Variants in GYS2 observed in about 807,000 individuals in gnomAD.
GYS2 encodes glycogen synthase 2, also known as glycogen [starch] synthase, liver.
GYS2 carries 80 observed loss-of-function variants against 85.6 expected under a neutral mutation model. The observed-to-expected ratio is 0.93, with a 90% CI of 0.78 to 1.13. The LOEUF (loss-of-function observed/expected upper bound fraction) is 1.13, where lower values mean the gene tolerates loss of function less well. Among genes scored for constraint, GYS2 ranks in the 50% most tolerant of loss-of-function variants. The pLI is 0.00. For synonymous variants in GYS2, 328 were observed against 300.7 expected (o/e 1.09, Z -0.94); for missense variants, 881 against 854.9 (o/e 1.03, Z -0.38).
intron 5 of GYS2, among the ~76,000 whole-genome samples, chr12:21,568,365 A>T (rs1368619350): frequency 6.6e-6 from 1 of 152,168 alleles, no homozygotes; most frequent in Non-Finnish European, 1.5e-5. Flanking sequence ...ATGTCTTATG[A>T]GCATGAGTTC....
rs1943917346 is a variant in GYS2, at chr12:21,536,981, T to C, written c.2085A>G (p.Lys695=). The C allele has an allele frequency of 6.2e-7, 1 of 1,613,646 alleles. No individual in the cohort carries two copies. The highest frequency in any genetic ancestry group is 8.5e-7 in the Non-Finnish European group (1 of 1,179,682). The part of the protein sequence containing the change: ...FSLSHVPHGK[K]KLHGEYKN ...AGTTCTTATATTCACCATGCAGCTT[T>C]TTCTTCCCATGAGGAACGTGGCTCA... Residue 695 remains lysine, a synonymous_variant, in exon 16 of 16, where the codon AAA becomes AAG. Transcript: ENST00000261195.
intron 4 of GYS2, among the ~76,000 whole-genome samples, chr12:21,571,848 C>G (rs56380141): frequency 0.13 from 19,503 of 151,788 alleles, 1,316 homozygotes; most frequent in African/African-American, 0.17. Flanking sequence ...TGTAGTCCCA[C>G]CTACTCAGGA....
chr12:21,577,762 A>G (rs1415438145), intron 2 of GYS2, among the ~76,000 whole-genome samples: 1 of 152,178 alleles, frequency 6.6e-6, no homozygotes, highest in Non-Finnish European at 1.5e-5. Context: ...CCCAGAAACT[A>G]TATTCCTGGG....
intron 5 of GYS2, 50 bp from the exon 6 acceptor site, chr12:21,563,395 T>C: frequency 1.1e-6 from 1 of 936,276 alleles, no homozygotes; most frequent in Admixed American, 1.7e-5. Context: ...TCAAAGAGGG[T>C]ACCATTGTAG....
chr12:21,554,174 G>GT (rs1555155437), intron 11 of GYS2, among the ~76,000 whole-genome samples: 3 of 150,118 alleles, frequency 2.0e-5, no homozygotes, highest in African/African-American at 4.9e-5. Flanking sequence ...AAGGAAGGAG[G>GT]GAAGGAAAAA....
chr12:21,557,188 A>C (rs1383676834), intron 11 of GYS2, among the ~76,000 whole-genome samples: 1 of 152,224 alleles, frequency 6.6e-6, no homozygotes, highest in Admixed American at 6.5e-5. Context: ...ATTTGAAAAG[A>C]TTCATTGTGG....
chr12:21,591,021 C>T (rs1313391725), intron 1 of GYS2, among the ~76,000 whole-genome samples: 2 of 152,058 alleles, frequency 1.3e-5, no homozygotes, highest in African/African-American at 4.8e-5. Context: ...AAACTGGAAG[C>T]AGCAATCATT....
rs566831995 is a variant in GYS2, at chr12:21,592,497, C to T, written c.122-11974G>A. Among the ~76,000 whole-genome samples the T allele has an allele frequency of 2.6e-5, 4 of 152,000 alleles. No homozygotes were observed. In the East Asian group the frequency reaches 7.7e-4, roughly 29 times the overall value. ...CCAAAAATGAGCAAAAGTAGTTATA[C>T]CTATAACAGATAAAATTGACTTTAA... On this transcript the variant is annotated intron_variant, in intron 1 of 15. Transcript: ENST00000261195.
chr12:21,571,667 A>C (rs982548975), intron 4 of GYS2, among the ~76,000 whole-genome samples: 2 of 152,060 alleles, frequency 1.3e-5, no homozygotes, highest in African/African-American at 4.8e-5. Flanking sequence ...TTCTGCTACA[A>C]TTAAGAAAAA....
chr12:21,599,253 C>T (rs952706879), intron 1 of GYS2, among the ~76,000 whole-genome samples: 5 of 152,038 alleles, frequency 3.3e-5, no homozygotes, highest in African/African-American at 1.2e-4. Context: ...CCCTCCTGTT[C>T]CAAAACACAG....
Position 21,559,068 on chromosome 12 carries a change from G to C in GYS2, c.1308+23C>G, listed in dbSNP as rs774984796. 18 of 1,347,446 alleles carry C rather than the reference G, an allele frequency of 1.3e-5. No homozygotes were observed. The Admixed American group carries it at 2.9e-4, about 21-fold the overall frequency. 83.5% of individuals were successfully genotyped at this position (1,347,446 alleles called of 1,614,324 possible). A position where few individuals can be genotyped will look rare whatever the true frequency, so the allele number is the denominator to read the frequency against. On this transcript the variant is annotated intron_variant, in intron 10 of 15. Coordinates refer to ENST00000261195, the MANE Select transcript of GYS2 (RefSeq NM_021957.4). ...TAGAATTTAATAACTATGGGACATAGTGGGTGCTTTTTTCCTTATTACCTG... is the reference window on the plus strand; with the variant it reads ...TAGAATTTAATAACTATGGGACATACTGGGTGCTTTTTTCCTTATTACCTG...
intron 15 of GYS2, among the ~76,000 whole-genome samples, chr12:21,538,645 G>C (rs1312932698): frequency 6.6e-6 from 1 of 152,106 alleles, no homozygotes; most frequent in Non-Finnish European, 1.5e-5. Flanking sequence ...TTTAGCTCTT[G>C]GATTGCTGTG....
chr12:21,596,309 C>A (rs919247812), intron 1 of GYS2, among the ~76,000 whole-genome samples: 4 of 151,930 alleles, frequency 2.6e-5, no homozygotes, highest in Non-Finnish European at 5.9e-5. Context: ...AAGAAAACTA[C>A]AGACTGATAG....
chr12:21,539,339 C>T lies in GYS2; in HGVS notation c.1810-1G>A, dbSNP rs761710422. 6.3e-7 allele frequency: 1 copy of T among 1,583,786 alleles called. No individual in the cohort carries two copies. The highest frequency in any genetic ancestry group is 1.3e-5 in the African/African-American group (1 of 74,248). ...TCAGGTGTCTGGCATGCTGGTAATA[C>T]TATTGATAGAAAGCCAAATCACAGG... On this transcript the variant is annotated splice_acceptor_variant, in intron 14 of 15. Transcript: ENST00000261195. LOFTEE classifies it high-confidence loss of function.
Position 21,604,582 on chromosome 12 carries a change from CCT to C in GYS2, c.9_10del (p.Gly4ProfsTer28). 1 of 1,612,530 alleles carries C rather than the reference CCT, an allele frequency of 6.2e-7. No individual in the cohort carries two copies. The highest frequency in any genetic ancestry group is 2.2e-5 in the East Asian group (1 of 44,862). ...CAGGGATGTTACAGAGAGGGATCGG[CCT>C]CGAAGCATTCTTCTTACAGTCCTCC... On this transcript the variant is annotated frameshift_variant, in exon 1 of 16. Coordinates refer to ENST00000261195, the MANE Select transcript of GYS2 (RefSeq NM_021957.4). LOFTEE classifies it high-confidence loss of function.
chr12:21,560,097 T>A (rs762981703), intron 8 of GYS2, among the ~76,000 whole-genome samples: 4 of 152,226 alleles, frequency 2.6e-5, no homozygotes, highest in Non-Finnish European at 4.4e-5. Flanking sequence ...TGACATGTTC[T>A]TAGAATTTCA....
intron 15 of GYS2, among the ~76,000 whole-genome samples, chr12:21,538,584 C>T (rs1374480898): frequency 1.3e-5 from 2 of 152,128 alleles, no homozygotes; most frequent in Non-Finnish European, 2.9e-5. Context: ...TGGTATGGGT[C>T]TTATCTTCTT....
In GYS2 at chr12:21,552,318, C is replaced by T. The variant is rs574515066; in HGVS notation, c.1423-5848G>A. Among the ~76,000 whole-genome samples the T allele has an allele frequency of 2.6e-5, 4 of 152,334 alleles. No individual in the cohort carries two copies. The South Asian group carries it at 8.3e-4, about 32-fold the overall frequency. On this transcript the variant is annotated intron_variant, in intron 11 of 15. Transcript: ENST00000261195. ...AATCTTCAGCCTGGGCTTTCCTCAC[C>T]ACACTACGTAGCTAAGGCAAAATGA...
intron 11 of GYS2, among the ~76,000 whole-genome samples, chr12:21,554,323 TA>T (rs1449361652): frequency 5.3e-5 from 8 of 152,154 alleles, no homozygotes; most frequent in Non-Finnish European, 1.0e-4. Flanking sequence ...TGGTTCTTCC[TA>T]CATCATCCTT....
Sources: gnomAD v4.1 joint callset for allele counts (sites outside exome capture counted in the v4.1 genomes callset) on GRCh38, gnomAD v4.1.1 for gene constraint, MANE v1.5 for transcripts, NCBI Gene and HGNC (gene_info 2026-07-23, HGNC 2026-07-21) for gene names.